DYM: variants seen among roughly 807,000 people sequenced by gnomAD.
The protein encoded by DYM is dyggve-Melchior-Clausen syndrome protein.
Under a neutral mutation model 93.1 loss-of-function variants are expected in DYM, and 78 were observed. The ratio of observed to expected loss-of-function variants is 0.84; its 90% CI spans 0.70 to 1.01. The LOEUF is 1.01. Among genes scored for constraint, DYM ranks in the 50% least tolerant of loss-of-function variants. DYM has a pLI of 0.00. For synonymous variants in DYM, 321 were observed against 319.7 expected (o/e 1.00, Z -0.04); for missense variants, 789 against 845.0 (o/e 0.93, Z 0.82).
chr18:49,305,960 C>T (rs1333489047), intron 8 of DYM, among the ~76,000 whole-genome samples: 1 of 152,194 alleles, frequency 6.6e-6, no homozygotes, highest in East Asian at 1.9e-4. Flanking sequence ...TTACTTAGAT[C>T]TGCAACAAGT....
At chr18:49,151,163 A>G (rs1239053978) in intron 15 of DYM, among the ~76,000 whole-genome samples, 1 of 152,192 alleles carries the variant, frequency 6.6e-6, no homozygotes, top group African/African-American at 2.4e-5. Context: ...TTAGGACTTA[A>G]CTTTATCTAG....
At chr18:49,432,239 G>T (rs1013545572) in intron 1 of DYM, among the ~76,000 whole-genome samples, 1 of 149,218 alleles carries the variant, frequency 6.7e-6, no homozygotes, top group African/African-American at 2.5e-5. Context: ...GCTGAGACAG[G>T]AGAATCACTT....
intron 1 of DYM, among the ~76,000 whole-genome samples, chr18:49,459,919 G>GGT (rs1555764791): frequency 1.5e-5 from 2 of 133,582 alleles, no homozygotes; most frequent in African/African-American, 6.4e-5. Context: ...TCTTTGGGGC[G>GGT]GGGGGGGCGG....
chr18:49,114,670 CGT>C (rs373883570), intron 16 of DYM: 5,277 of 606,954 alleles, frequency 8.7e-3, no homozygotes, highest in Middle Eastern at 0.011. Flanking sequence ...CTTTTTCTTT[CGT>C]GTGTGTGTGT....
At chr18:49,327,670 T>A (rs146148442) in intron 8 of DYM, among the ~76,000 whole-genome samples, 1 of 152,066 alleles carries the variant, frequency 6.6e-6, no homozygotes, top group Non-Finnish European at 1.5e-5. Flanking sequence ...ACTCTATACA[T>A]CTTTGAAATT....
intron 11 of DYM, among the ~76,000 whole-genome samples, chr18:49,265,370 T>C (rs1004727572): frequency 3.9e-5 from 6 of 152,198 alleles, no homozygotes; most frequent in Admixed American, 6.5e-5. Context: ...GTTTGGTAGG[T>C]TTATTTATTT....
intron 2 of DYM, among the ~76,000 whole-genome samples, chr18:49,392,838 T>C (rs1401086398): frequency 2.0e-5 from 3 of 149,494 alleles, no homozygotes; most frequent in South Asian, 2.1e-4. Flanking sequence ...CTACTAAAAA[T>C]ACAAAAATTA....
At chr18:49,097,909 C>CTCTG (rs938440248) in intron 16 of DYM, among the ~76,000 whole-genome samples, 2 of 144,876 alleles carry the variant, frequency 1.4e-5, no homozygotes. Flanking sequence ...CTCTCTCTCT[C>CTCTG]TCTCAAAAGG....
intron 13 of DYM, among the ~76,000 whole-genome samples, chr18:49,222,540 C>G (rs1020916232): frequency 6.6e-6 from 1 of 152,044 alleles, no homozygotes; most frequent in Non-Finnish European, 1.5e-5. Context: ...AGGGATCTCC[C>G]AATGGCCAAA....
intron 13 of DYM, among the ~76,000 whole-genome samples, chr18:49,244,701 G>A (rs1253923707): frequency 2.6e-5 from 4 of 151,820 alleles, no homozygotes; most frequent in African/African-American, 7.2e-5. Flanking sequence ...CAGCTTCACA[G>A]AAGAAGAAGA....
At chr18:49,056,640 C>CT (rs1420204517) in intron 17 of DYM, among the ~76,000 whole-genome samples, 20 of 152,020 alleles carry the variant, frequency 1.3e-4, no homozygotes, top group Admixed American at 5.2e-4. Flanking sequence ...CAGGCTCAAG[C>CT]GATCCTCCCA....
chr18:49,379,359 T>C (rs189547598), intron 4 of DYM, among the ~76,000 whole-genome samples: 4 of 152,140 alleles, frequency 2.6e-5, no homozygotes, highest in East Asian at 1.9e-4. Context: ...TTAAACTAGA[T>C]AGCAGCAGCA....
rs535935899 is a variant in DYM at position 49,290,422 on chromosome 18, C to A, written c.764-3806G>T. On this transcript the variant is annotated intron_variant, in intron 8 of 17. Coordinates refer to ENST00000675505, the MANE Select transcript of DYM (RefSeq NM_001353214.3). Reference sequence around the variant, plus strand: ...ATCACACTGCAAACAGAGATTATCTCTAGAGGATGAAGTGGGATTGCATGG... The same window carrying A: ...ATCACACTGCAAACAGAGATTATCTATAGAGGATGAAGTGGGATTGCATGG... 2.0e-5 allele frequency among the ~76,000 whole-genome samples: 3 copies of A among 151,564 alleles called. 1 individual carries two copies. The highest frequency in any genetic ancestry group is 4.2e-4 in the South Asian group (2 of 4,800).
chr18:49,448,107 A>G (rs1023944852), intron 1 of DYM, among the ~76,000 whole-genome samples: 1 of 152,170 alleles, frequency 6.6e-6, no homozygotes, highest in Non-Finnish European at 1.5e-5. Flanking sequence ...GTGCCTCTCT[A>G]CTAGAAACCA....
At position 49,205,666 on chromosome 18, in the gene DYM, T is replaced by A. The variant is rs114121187; in HGVS notation, c.1625+3885A>T. The stretch of plus-strand genomic sequence containing the variant: ...GTTTAAGTGGCCAAGGTATTTAAGC[T>A]GAAGAGAACAAAAATTAAGGGGAGT... On this transcript the variant is annotated intron_variant, in intron 14 of 17. Transcript: ENST00000675505. 4.3e-3 allele frequency among the ~76,000 whole-genome samples: 661 copies of A among 152,230 alleles called. 2 individuals are homozygous for A. The highest frequency in any genetic ancestry group is 0.015 in the African/African-American group (622 of 41,532).
chr18:49,161,363 T>C (rs1280177986), intron 15 of DYM, among the ~76,000 whole-genome samples: 1 of 152,206 alleles, frequency 6.6e-6, no homozygotes, highest in African/African-American at 2.4e-5. Context: ...TATAGATCTC[T>C]GATTAAAGAA....
At chr18:49,423,384 C>T (rs2073931631) in intron 2 of DYM, among the ~76,000 whole-genome samples, 1 of 152,076 alleles carries the variant, frequency 6.6e-6, no homozygotes, top group Admixed American at 6.5e-5. Context: ...CTCTGGGACA[C>T]ATTTAAAGCA....
chr18:49,439,330 C>G (rs1331904204), intron 1 of DYM, among the ~76,000 whole-genome samples: 1 of 152,180 alleles, frequency 6.6e-6, no homozygotes, highest in African/African-American at 2.4e-5. Flanking sequence ...GCAATGTAGT[C>G]AAGAACTCAA....
intron 8 of DYM, among the ~76,000 whole-genome samples, chr18:49,293,663 G>T (rs375044246): frequency 6.6e-6 from 1 of 152,044 alleles, no homozygotes; most frequent in East Asian, 1.9e-4. Context: ...TTTTTGATGG[G>T]GTTGTTTGCT....
Sources: gnomAD v4.1 joint callset for allele counts (sites outside exome capture counted in the v4.1 genomes callset) on GRCh38, gnomAD v4.1.1 for gene constraint, MANE v1.5 for transcripts, NCBI Gene and HGNC (gene_info 2026-07-23, HGNC 2026-07-21) for gene names.